The following CDH18 variants were observed in gnomAD, a reference collection of about 807,000 sequenced individuals.
The protein encoded by CDH18 is cadherin 18.
Under a neutral mutation model 67.9 loss-of-function variants are expected in CDH18, and 31 were observed. That is an observed-to-expected ratio of 0.46 (90% CI 0.34 to 0.62). CDH18 has a LOEUF of 0.62. Ranked by LOEUF, CDH18 falls within the 20% of genes least tolerant of loss-of-function variation. The pLI, the probability that CDH18 is intolerant of heterozygous loss-of-function variation, is 0.01. For synonymous variants in CDH18, 362 were observed against 347.2 expected (o/e 1.04, Z -0.48); for missense variants, 890 against 975.5 (o/e 0.91, Z 1.17).
chr5:20,257,392 C>T (rs901417163), intron 1 of CDH18, among the ~76,000 whole-genome samples: 1 of 152,170 alleles, frequency 6.6e-6, no homozygotes, highest in African/African-American at 2.4e-5. Context: ...CCTATTTATA[C>T]ATAGCTCACA....
intron 5 of CDH18, among the ~76,000 whole-genome samples, chr5:19,617,309 T>C (rs1329768473): frequency 2.6e-5 from 4 of 152,238 alleles, no homozygotes; most frequent in African/African-American, 9.6e-5. Context: ...ATAAACTATA[T>C]AGACATAGTC....
intron 1 of CDH18, among the ~76,000 whole-genome samples, chr5:20,452,495 T>C (rs1750526852): frequency 6.6e-6 from 1 of 152,038 alleles, no homozygotes; most frequent in African/African-American, 2.4e-5. Context: ...CCTAAACAAG[T>C]TGATGCAGTA....
rs1470189477 is a variant in CDH18 at position 19,640,409 on chromosome 5, T to C, written c.644-27808A>G. On this transcript the variant is annotated intron_variant, in intron 5 of 12. Coordinates refer to ENST00000382275, the MANE Select transcript of CDH18 (RefSeq NM_004934.5). ...TCATCAACTTAAAATAGAAGATATT[T>C]TATGTAAGACTCAAGCTAATCACAA... Among the ~76,000 whole-genome samples, 3 of 152,136 alleles carry C rather than the reference T, an allele frequency of 2.0e-5. No homozygotes were observed. The South Asian group carries it at 6.2e-4, about 31-fold the overall frequency.
chr5:20,245,053 T>G (rs1743273855), intron 2 of CDH18, among the ~76,000 whole-genome samples: 2 of 152,124 alleles, frequency 1.3e-5, no homozygotes, highest in African/African-American at 4.8e-5. Flanking sequence ...TTGCATTAAA[T>G]CAGAAGCTAA....
At chr5:20,050,505 G>A (rs1312479001) in intron 2 of CDH18, among the ~76,000 whole-genome samples, 3 of 151,838 alleles carry the variant, frequency 2.0e-5, no homozygotes, top group African/African-American at 7.2e-5. Context: ...TTTTTGAAAT[G>A]TAAATTAGTA....
At chr5:19,956,840 T>C (rs1796302257) in intron 2 of CDH18, among the ~76,000 whole-genome samples, 1 of 151,900 alleles carries the variant, frequency 6.6e-6, no homozygotes, top group Non-Finnish European at 1.5e-5. Flanking sequence ...GTTAACATTT[T>C]CAGTTGTCAT....
At chr5:19,808,340 CTG>C (rs777789661) in intron 3 of CDH18, among the ~76,000 whole-genome samples, 12 of 148,624 alleles carry the variant, frequency 8.1e-5, no homozygotes, top group Non-Finnish European at 1.3e-4. Flanking sequence ...AAAAATAAAA[CTG>C]AATGTATTTG....
At chr5:19,803,724 T>C (rs934001164) in intron 3 of CDH18, 2 of 152,214 alleles carry the variant, frequency 1.3e-5, no homozygotes, top group African/African-American at 4.8e-5. Flanking sequence ...TACATTTTAT[T>C]TTATATTTCT....
intron 1 of CDH18, among the ~76,000 whole-genome samples, chr5:20,375,181 T>C (rs1355046789): frequency 6.6e-6 from 1 of 152,192 alleles, no homozygotes. Context: ...GTCTCAGTTA[T>C]TCCTTATAAG....
intron 1 of CDH18, among the ~76,000 whole-genome samples, chr5:20,544,388 G>A (rs538339709): frequency 1.3e-5 from 2 of 152,128 alleles, no homozygotes; most frequent in Admixed American, 6.5e-5. Flanking sequence ...ACACATATGT[G>A]TATATATATA....
At chr5:20,410,517 T>G (rs1460133679) in intron 1 of CDH18, among the ~76,000 whole-genome samples, 1 of 151,632 alleles carries the variant, frequency 6.6e-6, no homozygotes, top group Non-Finnish European at 1.5e-5. Context: ...TGCTATATTA[T>G]AAAGAGCAGC....
chr5:20,501,594 T>TATA (rs1554010562), intron 1 of CDH18, among the ~76,000 whole-genome samples: 1 of 35,298 alleles, frequency 2.8e-5, no homozygotes, highest in Non-Finnish European at 5.6e-5. Context: ...TATATATATA[T>TATA]TATATATATA....
chr5:19,544,297 G>A (rs901648554), intron 8 of CDH18, among the ~76,000 whole-genome samples: 2 of 151,536 alleles, frequency 1.3e-5, no homozygotes, highest in African/African-American at 4.8e-5. Flanking sequence ...GAGACCAAAA[G>A]AACTCACCTC....
At chr5:20,002,455 T>C (rs1400179938) in intron 2 of CDH18, among the ~76,000 whole-genome samples, 2 of 152,202 alleles carry the variant, frequency 1.3e-5, no homozygotes, top group Non-Finnish European at 2.9e-5. Context: ...AATAGCACAT[T>C]TCTGGAAGAT....
rs141144406 is a variant in CDH18 at position 19,832,981 on chromosome 5, T to C, written c.228+5778A>G. ...GTGATGCCTCTAGCTTTGTTCTTTT[T>C]GCTTAGGATTCTCTTGGCTATATGG... On this transcript the variant is annotated intron_variant, in intron 3 of 12. Coordinates refer to ENST00000382275, the MANE Select transcript of CDH18 (RefSeq NM_004934.5). Among the ~76,000 whole-genome samples the C allele has an allele frequency of 1.1e-3, 160 of 152,208 alleles. 3 individuals carry two copies. The East Asian group carries it at 0.03, about 28-fold the overall frequency.
In CDH18 at chr5:19,710,810, C is replaced by T. The variant is rs1764612051; in HGVS notation, c.643+10537G>A. Reference sequence around the variant, plus strand: ...TAGGCCTTCAATAAAGATAATGAGACATAATTTGAAGTCCAATAATATGAT... The same window carrying T: ...TAGGCCTTCAATAAAGATAATGAGATATAATTTGAAGTCCAATAATATGAT... On this transcript the variant is annotated intron_variant, in intron 5 of 12. Coordinates refer to ENST00000382275, the MANE Select transcript of CDH18 (RefSeq NM_004934.5). 4.6e-5 allele frequency among the ~76,000 whole-genome samples: 7 copies of T among 151,946 alleles called. No homozygotes were observed. The South Asian group carries it at 1.5e-3, about 32-fold the overall frequency.
intron 3 of CDH18, among the ~76,000 whole-genome samples, chr5:19,837,218 A>G (rs1456345820): frequency 1.3e-5 from 2 of 152,056 alleles, no homozygotes; most frequent in Non-Finnish European, 2.9e-5. Flanking sequence ...ATGAGAACAC[A>G]TGGACACAGA....
At chr5:19,679,357 G>T (rs1352978866) in intron 5 of CDH18, among the ~76,000 whole-genome samples, 3 of 151,850 alleles carry the variant, frequency 2.0e-5, no homozygotes, top group Non-Finnish European at 4.4e-5. Context: ...ATATGGAATA[G>T]GCAAAAGCTA....
chr5:19,681,000 G>A (rs1049117621), intron 5 of CDH18, among the ~76,000 whole-genome samples: 8 of 151,860 alleles, frequency 5.3e-5, no homozygotes, highest in East Asian at 1.9e-4. Flanking sequence ...TAGCGATGAC[G>A]TGGAATCAAC....
Sources: allele counts gnomAD v4.1 joint callset (sites outside exome capture counted in the v4.1 genomes callset), GRCh38; gene constraint gnomAD v4.1.1; transcripts MANE v1.5; gene names NCBI Gene and HGNC (gene_info 2026-07-23, HGNC 2026-07-21).